WDFY4: variants seen among roughly 807,000 people sequenced by gnomAD.
WDFY4 encodes WDFY family member 4.
In WDFY4, 169 loss-of-function variants were observed where a neutral mutation model predicts 351.9. The observed-to-expected ratio is 0.48, with a 90% CI of 0.42 to 0.55. The LOEUF (loss-of-function observed/expected upper bound fraction) is 0.55, where lower values mean the gene tolerates loss of function less well. Among genes scored for constraint, WDFY4 ranks in the 20% least tolerant of loss-of-function variants. WDFY4 has a pLI of 0.00. For synonymous variants in WDFY4, 1,622 were observed against 1,574.6 expected (o/e 1.03, Z -0.71); for missense variants, 3,803 against 3,935.6 (o/e 0.97, Z 0.90).
At chr10:48,742,875 A>C in intron 11 of WDFY4, 93 bp from the exon 12 acceptor site, 24 of 1,191,050 alleles carry the variant, frequency 2.0e-5, no homozygotes, top group Non-Finnish European at 2.6e-5. Context: ...CGTTGAGGGA[A>C]GAGCTAGTGG....
At chr10:48,886,877 T>C (rs1369402131) in intron 43 of WDFY4, among the ~76,000 whole-genome samples, 1 of 152,250 alleles carries the variant, frequency 6.6e-6, no homozygotes, top group Non-Finnish European at 1.5e-5. Context: ...GCTCTACTTA[T>C]GAGGCAAAAG....
chr10:48,956,387 G>A (rs528239997), intron 51 of WDFY4, among the ~76,000 whole-genome samples: 23 of 152,152 alleles, frequency 1.5e-4, no homozygotes, highest in Admixed American at 8.5e-4. Flanking sequence ...CTCTCTTATC[G>A]AAGCCAAGAC....
chr10:48,838,263 G>T (rs1466387362), intron 39 of WDFY4, among the ~76,000 whole-genome samples: 1 of 151,610 alleles, frequency 6.6e-6, no homozygotes, highest in Non-Finnish European at 1.5e-5. Context: ...CCTAAAGGCT[G>T]CCCTATGAGA....
chr10:48,798,545 T>A (rs1046028629), intron 24 of WDFY4, among the ~76,000 whole-genome samples: 11 of 152,196 alleles, frequency 7.2e-5, no homozygotes, highest in African/African-American at 2.7e-4. Context: ...ATTTGAACAA[T>A]CTCATCGAAA....
chr10:48,737,521 G>A (rs1213013039), intron 11 of WDFY4, among the ~76,000 whole-genome samples: 1 of 152,148 alleles, frequency 6.6e-6, no homozygotes, highest in Non-Finnish European at 1.5e-5. Context: ...ACATTGATGT[G>A]AGCTGTTCCA....
intron 7 of WDFY4, 64 bp downstream of exon 7, chr10:48,727,723 T>C (rs765413032): frequency 1.6e-5 from 24 of 1,516,592 alleles, no homozygotes; most frequent in Middle Eastern, 1.7e-4. Context: ...CTCAGAATCA[T>C]TGGGGTGCTT....
At chr10:48,864,336 C>T (rs565071355) in intron 39 of WDFY4, among the ~76,000 whole-genome samples, 1 of 152,150 alleles carries the variant, frequency 6.6e-6, no homozygotes, top group Non-Finnish European at 1.5e-5. Flanking sequence ...GTTAAAAAGA[C>T]TATTCGTTCC....
Position 48,727,520 on chromosome 10 carries a change from A to T in WDFY4, c.832A>T (p.Thr278Ser). 1 of 1,550,822 alleles carries T rather than the reference A, an allele frequency of 6.4e-7. No homozygotes were observed. The highest frequency in any genetic ancestry group is 8.7e-7 in the Non-Finnish European group (1 of 1,146,782). The change falls in exon 7 of 62, where the codon ACT (threonine) becomes TCT (serine). Residue 278 changes from threonine (T) to serine (S), a missense_variant. Around this residue, in one of 3 missense-constraint regions of WDFY4, gnomAD observed 488 missense variants for 456.8 expected, o/e 1.07. Transcript: ENST00000325239. ...SLQNLSRLTDTLPAPEVSEAV... is the reference protein window; with the variant it reads ...SLQNLSRLTDSLPAPEVSEAV... Reference sequence around the variant, plus strand: ...CCAGAACCTCTCCAGGCTCACGGACACTCTCCCTGCCCCTGAAGTGAGCGA... The same window carrying T: ...CCAGAACCTCTCCAGGCTCACGGACTCTCTCCCTGCCCCTGAAGTGAGCGA...
chr10:48,817,820 A>T (rs1005178977), intron 32 of WDFY4, among the ~76,000 whole-genome samples: 3 of 152,238 alleles, frequency 2.0e-5, no homozygotes, highest in African/African-American at 4.8e-5. Flanking sequence ...TCCAACTTGC[A>T]GGCCCCTGGG....
At chr10:48,793,479 T>C (rs1353951945) in intron 23 of WDFY4, among the ~76,000 whole-genome samples, 1 of 152,218 alleles carries the variant, frequency 6.6e-6, no homozygotes, top group Non-Finnish European at 1.5e-5. Context: ...AGTATTATTT[T>C]GTTTTTGCTT....
At chr10:48,941,946 A>G in intron 48 of WDFY4, 98 bp downstream of exon 48, 2 of 1,157,264 alleles carry the variant, frequency 1.7e-6, no homozygotes, top group Non-Finnish European at 2.5e-6. Context: ...TCAACCAAGA[A>G]GGGATCTTAT....
intron 37 of WDFY4, 141 bp downstream of exon 37, chr10:48,829,037 C>T (rs1168191174): frequency 3.5e-6 from 2 of 578,690 alleles, no homozygotes; most frequent in Non-Finnish European, 5.9e-6. Flanking sequence ...AGGACATTTT[C>T]AAAAAGCCAG....
At chr10:48,854,978 T>G (rs2069086758) in intron 39 of WDFY4, among the ~76,000 whole-genome samples, 1 of 152,236 alleles carries the variant, frequency 6.6e-6, no homozygotes, top group African/African-American at 2.4e-5. Context: ...TTATGTCACT[T>G]GTAATGCTCA....
chr10:48,806,240 G>A, intron 27 of WDFY4, 145 bp downstream of exon 27: 1 of 716,706 alleles, frequency 1.4e-6, no homozygotes, highest in Non-Finnish European at 2.4e-6. Context: ...TGGCCTGTGA[G>A]GCTGTCATTT....
chr10:48,976,995 G>C lies in WDFY4; in HGVS notation c.9291+16G>C. On this transcript the variant is annotated intron_variant, in intron 59 of 61. Transcript: ENST00000325239. ...CATGGTCCGGGTAGGTGTGTCTTGG[G>C]CAGAATGAGGACATGACACAAGAAA... The C allele has an allele frequency of 7.3e-6, 10 of 1,374,238 alleles. No homozygotes were observed. The highest frequency in any genetic ancestry group is 9.5e-6 in the Non-Finnish European group (10 of 1,050,208). 85.1% of individuals were successfully genotyped at this position (1,374,238 alleles called of 1,614,324 possible).
At chr10:48,742,401 C>T (rs1438402845) in intron 11 of WDFY4, among the ~76,000 whole-genome samples, 1 of 152,208 alleles carries the variant, frequency 6.6e-6, no homozygotes, top group African/African-American at 2.4e-5. Flanking sequence ...TGAAGCCGTG[C>T]TTGCACAGAG....
chr10:48,961,897 C>G (rs1841876348), intron 53 of WDFY4, among the ~76,000 whole-genome samples: 1 of 152,010 alleles, frequency 6.6e-6, no homozygotes, highest in Admixed American at 6.5e-5. Context: ...GAGGAGACAC[C>G]AGCCCAACGT....
At chr10:48,787,876 TTCTTTCTTCTTCTTCTCCTTCTTC>T (rs2066481484) in intron 20 of WDFY4, among the ~76,000 whole-genome samples, 1 of 95,920 alleles carries the variant, frequency 1.0e-5, no homozygotes, top group African/African-American at 6.2e-5. Context: ...TCTTTCTTCT[TTCTTTCTTCTTCTTCTCCTTCTTC>T]TTCTTCTTCT....
chr10:48,870,568 A>G (rs1283042576), intron 40 of WDFY4, among the ~76,000 whole-genome samples: 1 of 152,018 alleles, frequency 6.6e-6, no homozygotes, highest in African/African-American at 2.4e-5. Context: ...AAAAAAAAAA[A>G]AAAAGAAAGA....
Sources: gnomAD v4.1 joint callset for allele counts (sites outside exome capture counted in the v4.1 genomes callset) on GRCh38, gnomAD v4.1.1 for gene constraint, gnomAD v4.1.1 regional missense constraint, MANE v1.5 for transcripts, NCBI Gene and HGNC (gene_info 2026-07-23, HGNC 2026-07-21) for gene names.